The following EYA2 variants were observed in gnomAD, a reference collection of about 807,000 sequenced individuals.
EYA2 encodes the protein protein phosphatase EYA2.
A neutral mutation model predicts 69.2 loss-of-function variants in EYA2; 31 were observed. The observed-to-expected ratio is 0.45, with a 90% CI of 0.34 to 0.60. The LOEUF (loss-of-function observed/expected upper bound fraction) is 0.60. Among genes scored for constraint, EYA2 ranks in the 20% least tolerant of loss-of-function variants. The pLI is 0.02. For synonymous variants in EYA2, 257 were observed against 279.4 expected, an observed-to-expected ratio of 0.92 and a Z score of 0.80; for missense variants, 622 against 701.2, an observed-to-expected ratio of 0.89 and a Z score of 1.28.
At chr20:47,080,085 C>T (rs2031657676) in intron 7 of EYA2, among the ~76,000 whole-genome samples, 1 of 152,168 alleles carries the variant, frequency 6.6e-6, no homozygotes, top group Non-Finnish European at 1.5e-5. Flanking sequence ...TTAATATCTT[C>T]TGGGCCATAA....
intron 5 of EYA2, among the ~76,000 whole-genome samples, chr20:47,054,167 C>T (rs192057465): frequency 4.2e-4 from 64 of 152,238 alleles, no homozygotes; most frequent in East Asian, 2.1e-3. Flanking sequence ...ACAGAATGGA[C>T]GGGGTTTGTT....
intron 1 of EYA2, among the ~76,000 whole-genome samples, chr20:46,922,081 T>G (rs137915391): frequency 5.5e-4 from 84 of 152,338 alleles, no homozygotes; most frequent in African/African-American, 2.0e-3. Context: ...GGGAAGCAAG[T>G]TGAGGCTGGA....
intron 1 of EYA2, among the ~76,000 whole-genome samples, chr20:46,931,344 A>AG (rs1394477379): frequency 2.0e-5 from 3 of 152,092 alleles, no homozygotes; most frequent in Non-Finnish European, 2.9e-5. Flanking sequence ...GTCTTAGAGG[A>AG]GGGGCTGGTG....
intron 1 of EYA2, among the ~76,000 whole-genome samples, chr20:46,957,557 ACACACACACACACACACACAC>A (rs1568686778): frequency 3.3e-5 from 5 of 150,750 alleles, no homozygotes; most frequent in East Asian, 1.9e-4. Context: ...ACACACACAC[ACACACACACACACACACACAC>A]GAAGACAATG....
chr20:46,922,255 T>G (rs1041108427), intron 1 of EYA2, among the ~76,000 whole-genome samples: 1 of 152,216 alleles, frequency 6.6e-6, no homozygotes, highest in Non-Finnish European at 1.5e-5. Flanking sequence ...AGAAAACTCT[T>G]AACTACATCA....
chr20:47,167,741 T>TA (rs1289441480), intron 10 of EYA2, among the ~76,000 whole-genome samples: 1 of 152,154 alleles, frequency 6.6e-6, no homozygotes, highest in African/African-American at 2.4e-5. Flanking sequence ...TGATTCCATT[T>TA]AGGGCCCACC....
At chr20:46,979,036 T>C (rs1980643002) in intron 1 of EYA2, among the ~76,000 whole-genome samples, 1 of 152,216 alleles carries the variant, frequency 6.6e-6, no homozygotes, top group Non-Finnish European at 1.5e-5. Context: ...CAGCAGGCTT[T>C]GATTTCTCAG....
intron 2 of EYA2, among the ~76,000 whole-genome samples, chr20:46,996,763 C>T (rs548472050): frequency 1.5e-4 from 23 of 152,202 alleles, no homozygotes; most frequent in African/African-American, 5.3e-4. Context: ...GTTCTGCAGG[C>T]TGTACAGGAA....
At chr20:47,057,181 GGAAT>G (rs2030671707) in intron 5 of EYA2, among the ~76,000 whole-genome samples, 1 of 145,048 alleles carries the variant, frequency 6.9e-6, no homozygotes, top group Non-Finnish European at 1.5e-5. Context: ...AAGGAAGGAA[GGAAT>G]CTCAGCACGT....
Position 47,121,758 on chromosome 20 carries a change from A to G in EYA2, c.889-21301A>G, listed in dbSNP as rs149563357. 1.8e-4 allele frequency among the ~76,000 whole-genome samples: 28 copies of G among 152,252 alleles called. No individual in the cohort carries two copies. The East Asian group carries it at 4.8e-3, about 26-fold the overall frequency. On this transcript the variant is annotated intron_variant, in intron 9 of 15. Coordinates refer to ENST00000327619, the MANE Select transcript of EYA2 (RefSeq NM_005244.5). ...ACGAACCTGCAAGCTAAACATAGTA[A>G]TCCCCATTCAACCCAGAAGGACACA...
chr20:47,167,280 C>CTTTTTTTTT (rs11470455), intron 10 of EYA2, among the ~76,000 whole-genome samples: 4 of 111,728 alleles, frequency 3.6e-5, no homozygotes, highest in Non-Finnish European at 6.9e-5. Flanking sequence ...GGTTTTTTTA[C>CTTTTTTTTT]TTTTTTTTTT....
intron 1 of EYA2, among the ~76,000 whole-genome samples, chr20:46,980,848 A>G (rs563630052): frequency 4.1e-4 from 63 of 152,330 alleles, no homozygotes; most frequent in African/African-American, 1.5e-3. Context: ...GATTGAGAAC[A>G]TGCCATATTT....
chr20:47,150,680 T>C (rs1446059330), intron 10 of EYA2, among the ~76,000 whole-genome samples: 1 of 152,004 alleles, frequency 6.6e-6, no homozygotes, highest in Admixed American at 6.5e-5. Context: ...CTACCCAGGC[T>C]GGTCTCAAAT....
chr20:47,108,443 G>A (rs2032653370), intron 9 of EYA2, among the ~76,000 whole-genome samples: 1 of 152,178 alleles, frequency 6.6e-6, no homozygotes, highest in Admixed American at 6.5e-5. Flanking sequence ...CATGCTTCTT[G>A]TACAGCCTGC....
chr20:47,161,058 G>T, intron 10 of EYA2: 1 of 298,750 alleles, frequency 3.3e-6, no homozygotes, highest in Non-Finnish European at 6.3e-6. Flanking sequence ...TGCAGCTGCG[G>T]CGTAGCAGTC....
chr20:46,993,292 G>A (rs114658670), intron 2 of EYA2, among the ~76,000 whole-genome samples: 4 of 152,264 alleles, frequency 2.6e-5, no homozygotes, highest in African/African-American at 9.6e-5. Context: ...TGGCCACCAG[G>A]CCCCACTTGT....
chr20:47,112,172 G>A (rs2032763347), intron 9 of EYA2, among the ~76,000 whole-genome samples: 1 of 152,132 alleles, frequency 6.6e-6, no homozygotes, highest in Non-Finnish European at 1.5e-5. Flanking sequence ...GACTATTTAG[G>A]AGGAAAAGAG....
At chr20:47,063,392 C>CGTGTGTGTGTGTGT (rs35187186) in intron 5 of EYA2, among the ~76,000 whole-genome samples, 1,770 of 143,452 alleles carry the variant, frequency 0.012, 23 homozygotes, top group East Asian at 0.039. Flanking sequence ...TGTGCGTGTG[C>CGTGTGTGTGTGTGT]GTGTGTGTGT....
At chr20:47,110,649 C>T (rs2032724832) in intron 9 of EYA2, among the ~76,000 whole-genome samples, 1 of 152,230 alleles carries the variant, frequency 6.6e-6, no homozygotes, top group South Asian at 2.1e-4. Context: ...GGGACTGGGT[C>T]TGATGTGTTC....
Sources: allele counts gnomAD v4.1 joint callset (sites outside exome capture counted in the v4.1 genomes callset), GRCh38; gene constraint gnomAD v4.1.1; transcripts MANE v1.5; gene names NCBI Gene and HGNC (gene_info 2026-07-23, HGNC 2026-07-21).